ERI3: variants seen among roughly 807,000 people sequenced by gnomAD.
ERI3 encodes the protein ERI1 exoribonuclease 3.
ERI3 carries 18 observed loss-of-function variants against 44.4 expected under a neutral mutation model. That is an observed-to-expected ratio of 0.41 (90% CI 0.28 to 0.60). The LOEUF (loss-of-function observed/expected upper bound fraction) is 0.60, where lower values mean the gene tolerates loss of function less well. ERI3 is among the 20% of genes least tolerant of loss of function. ERI3 has a pLI of 0.36. For missense variants in ERI3, 294 were observed against 435.5 expected (o/e 0.68, Z 2.89); for synonymous variants, 183 against 164.8 (o/e 1.11, Z -0.84).
intron 7 of ERI3, among the ~76,000 whole-genome samples, chr1:44,256,260 G>A (rs1572125871): frequency 1.3e-5 from 2 of 152,178 alleles, no homozygotes; most frequent in African/African-American, 4.8e-5. Flanking sequence ...TTCTTGCCCA[G>A]CAGAACAGCA....
At chr1:44,352,405 CATAGATAGATAGATAGATAGATAGATAG>C (rs71742610) in intron 2 of ERI3, among the ~76,000 whole-genome samples, 184 of 147,566 alleles carry the variant, frequency 1.2e-3, no homozygotes, top group African/African-American at 4.2e-3. Flanking sequence ...AGCAAGGTCT[CATAGATAGATAGATAGATAGATAGATAG>C]ATAGATAGAT....
At chr1:44,233,543 A>G (rs1199685576) in intron 8 of ERI3, among the ~76,000 whole-genome samples, 1 of 151,906 alleles carries the variant, frequency 6.6e-6, no homozygotes. Context: ...AGCTGGGACT[A>G]CAGGCTCTTG....
intron 6 of ERI3, among the ~76,000 whole-genome samples, chr1:44,290,328 G>A (rs1053350530): frequency 6.6e-6 from 1 of 152,232 alleles, no homozygotes; most frequent in East Asian, 1.9e-4. Context: ...GCCCAGGCTT[G>A]GAGAGAAGTG....
chr1:44,318,100 C>T (rs1646128260), intron 4 of ERI3, among the ~76,000 whole-genome samples: 1 of 152,152 alleles, frequency 6.6e-6, no homozygotes, highest in African/African-American at 2.4e-5. Context: ...TCTCACAATC[C>T]CTCCTCCCAT....
intron 8 of ERI3, chr1:44,242,018 G>A (rs1644449752): frequency 1.0e-6 from 1 of 985,756 alleles, no homozygotes; most frequent in Non-Finnish European, 1.2e-6. Flanking sequence ...AAGGGGGTCA[G>A]CTCAGGAAGG....
chr1:44,282,210 T>C (rs1645304755), intron 7 of ERI3, among the ~76,000 whole-genome samples: 1 of 152,064 alleles, frequency 6.6e-6, no homozygotes, highest in South Asian at 2.1e-4. Context: ...TCTTCTCAGA[T>C]TAGAGGTCTT....
chr1:44,355,217 A>C lies in ERI3; in HGVS notation c.-191T>G, dbSNP rs904801438. Reference sequence around the variant, plus strand: ...CCACCGCCCGTTCCCGGCCGCCTGAACAGCGGCAGCCAGCACCACGAGTCC... The same window carrying C: ...CCACCGCCCGTTCCCGGCCGCCTGACCAGCGGCAGCCAGCACCACGAGTCC... On this transcript the variant is annotated 5_prime_UTR_variant, in exon 1 of 9. Transcript: ENST00000372257. 8.4e-7 allele frequency: 1 copy of C among 1,188,640 alleles called. No individual in the cohort carries two copies. Among genetic ancestry groups the C allele is most frequent in the African/African-American group, 1.6e-5 (1 of 62,830 alleles). 73.6% of individuals were successfully genotyped at this position (1,188,640 alleles called of 1,614,324 possible).
At chr1:44,270,767 G>A (rs1202028398) in intron 7 of ERI3, among the ~76,000 whole-genome samples, 1 of 149,896 alleles carries the variant, frequency 6.7e-6, no homozygotes, top group Non-Finnish European at 1.5e-5. Context: ...CAGCTGCAGG[G>A]AACCTTGAGA....
chr1:44,350,868 G>A (rs1271428157), intron 2 of ERI3, among the ~76,000 whole-genome samples: 2 of 152,158 alleles, frequency 1.3e-5, no homozygotes, highest in East Asian at 1.9e-4. Context: ...TTATAGGCAC[G>A]AGCCATCGTG....
At chr1:44,353,705 G>C (rs1646941291) in intron 1 of ERI3, 1 of 985,330 alleles carries the variant, frequency 1.0e-6, no homozygotes, top group Non-Finnish European at 1.2e-6. Flanking sequence ...TGGAAGAAAA[G>C]CTCTTAGCCA....
chr1:44,286,864 G>A (rs1277824916), intron 6 of ERI3, among the ~76,000 whole-genome samples: 1 of 152,082 alleles, frequency 6.6e-6, no homozygotes, highest in Non-Finnish European at 1.5e-5. Context: ...CCTTCTCCAA[G>A]CCACATATCC....
chr1:44,250,554 C>T (rs572454445), intron 7 of ERI3, among the ~76,000 whole-genome samples: 1 of 152,180 alleles, frequency 6.6e-6, no homozygotes, highest in African/African-American at 2.4e-5. Context: ...GGAGGCAACC[C>T]GGTCCCGCCT....
intron 3 of ERI3, among the ~76,000 whole-genome samples, chr1:44,329,539 C>T (rs933498275): frequency 2.6e-5 from 4 of 152,188 alleles, no homozygotes; most frequent in South Asian, 4.1e-4. Context: ...TTGTGAACAA[C>T]GCAGACATGT....
intron 7 of ERI3, 49 bp downstream of exon 7, chr1:44,284,786 G>A: frequency 7.1e-7 from 1 of 1,414,168 alleles, no homozygotes; most frequent in Non-Finnish European, 1.0e-6. Flanking sequence ...GGAGCTCTGA[G>A]GCACAAGAGC....
chr1:44,302,843 G>A (rs1247928648), intron 6 of ERI3, among the ~76,000 whole-genome samples: 1 of 152,212 alleles, frequency 6.6e-6, no homozygotes, highest in African/African-American at 2.4e-5. Context: ...TGGTTCTAGA[G>A]TCAGAATGCT....
intron 2 of ERI3, among the ~76,000 whole-genome samples, chr1:44,342,858 T>TAAATATA (rs1408660607): frequency 1.8e-4 from 2 of 11,376 alleles, no homozygotes; most frequent in African/African-American, 2.9e-4. Context: ...TATATATATA[T>TAAATATA]TTTTTTTTTT....
intron 7 of ERI3, among the ~76,000 whole-genome samples, chr1:44,284,506 T>C (rs1220878468): frequency 6.6e-6 from 1 of 152,122 alleles, no homozygotes. Flanking sequence ...GCCATGTCTC[T>C]CCTAGAGACA....
chr1:44,280,254 T>C (rs1645259353), intron 7 of ERI3, among the ~76,000 whole-genome samples: 1 of 152,264 alleles, frequency 6.6e-6, no homozygotes, highest in Non-Finnish European at 1.5e-5. Flanking sequence ...ATCTTTTATG[T>C]GTCACTAACT....
At chr1:44,223,906 A>T (rs1166520431) in intron 8 of ERI3, among the ~76,000 whole-genome samples, 1 of 152,208 alleles carries the variant, frequency 6.6e-6, no homozygotes, top group Non-Finnish European at 1.5e-5. Flanking sequence ...CATAGGCTCT[A>T]CACCACATAT....
Sources: allele counts gnomAD v4.1 joint callset (sites outside exome capture counted in the v4.1 genomes callset), GRCh38; gene constraint gnomAD v4.1.1; transcripts MANE v1.5; gene names NCBI Gene and HGNC (gene_info 2026-07-23, HGNC 2026-07-21).